Variants in DIAPH1 observed in about 807,000 individuals in gnomAD.
DIAPH1 encodes protein diaphanous homolog 1.
Under a neutral mutation model 140.7 loss-of-function variants are expected in DIAPH1, and 46 were observed. That is an observed-to-expected ratio of 0.33 (90% CI 0.26 to 0.42). DIAPH1 has a LOEUF of 0.42. Among genes scored for constraint, DIAPH1 ranks in the 10% least tolerant of loss-of-function variants. The probability of loss-of-function intolerance (pLI) is 1.00; values close to 1 mark genes in which losing one functional copy is unlikely to be tolerated. For synonymous variants in DIAPH1, 565 were observed against 551.6 expected (o/e 1.02, Z -0.34); for missense variants, 1,310 against 1,558.7 (o/e 0.84, Z 2.69).
At chr5:141,609,007 G>A (rs1191515814) in intron 1 of DIAPH1, among the ~76,000 whole-genome samples, 2 of 151,996 alleles carry the variant, frequency 1.3e-5, no homozygotes, top group Non-Finnish European at 2.9e-5. Flanking sequence ...TTACAAAGGA[G>A]ACACAGTTAC....
intron 3 of DIAPH1, among the ~76,000 whole-genome samples, chr5:141,586,783 T>C (rs1468910155): frequency 6.6e-6 from 1 of 152,222 alleles, no homozygotes; most frequent in Non-Finnish European, 1.5e-5. Context: ...ACTACGTCTT[T>C]GTGGCTAAAG....
Position 141,529,621 on chromosome 5 carries a change from C to T in DIAPH1, c.2658G>A (p.Leu886=), listed in dbSNP as rs987930783. The change falls in exon 20 of 28, where the codon CTG becomes CTA. Residue 886 remains leucine (L), a synonymous_variant. Coordinates refer to ENST00000389054, the MANE Select transcript of DIAPH1 (RefSeq NM_005219.5). The part of the protein sequence containing the change: ...NVILEVNEAV[L]TESMIQNLIK... ...TCCTTACCTGGATCATAGACTCAGT[C>T]AGAACAGCCTCATTCACCTCCAGGA... 2 of 1,614,142 alleles carry T rather than the reference C, an allele frequency of 1.2e-6. No individual in the cohort carries two copies. The highest frequency in any genetic ancestry group is 1.3e-5 in the African/African-American group (1 of 75,062).
intron 1 of DIAPH1, among the ~76,000 whole-genome samples, chr5:141,595,469 A>G (rs1032664423): frequency 1.8e-4 from 28 of 152,150 alleles, no homozygotes; most frequent in African/African-American, 6.5e-4. Context: ...CATAATCCCC[A>G]TATGTCAAGG....
intron 19 of DIAPH1, among the ~76,000 whole-genome samples, chr5:141,533,900 G>A (rs2099888618): frequency 6.6e-6 from 1 of 152,010 alleles, no homozygotes; most frequent in Non-Finnish European, 1.5e-5. Flanking sequence ...GCATGGTGGT[G>A]CACACCTGTA....
At chr5:141,545,938 G>C (rs763204318) in intron 18 of DIAPH1, among the ~76,000 whole-genome samples, 2 of 152,018 alleles carry the variant, frequency 1.3e-5, no homozygotes, top group Non-Finnish European at 2.9e-5. Flanking sequence ...CCATTTTAAA[G>C]GAATATAGTA....
At chr5:141,556,610 A>C (rs2099892623) in intron 18 of DIAPH1, among the ~76,000 whole-genome samples, 1 of 152,232 alleles carries the variant, frequency 6.6e-6, no homozygotes, top group Non-Finnish European at 1.5e-5. Flanking sequence ...GAAATCCTAA[A>C]GAAGAGGCTC....
intron 1 of DIAPH1, among the ~76,000 whole-genome samples, chr5:141,597,256 A>C (rs2099899467): frequency 6.6e-6 from 1 of 152,228 alleles, no homozygotes; most frequent in Non-Finnish European, 1.5e-5. Flanking sequence ...AAAATCCTAC[A>C]AAATTCCACA....
chr5:141,578,934 AAAG>A (rs1334268271), intron 9 of DIAPH1, among the ~76,000 whole-genome samples, 151 bp downstream of exon 9: 1 of 152,208 alleles, frequency 6.6e-6, no homozygotes, highest in Non-Finnish European at 1.5e-5. Context: ...ACCTTCTTAG[AAAG>A]AAGGTTAATC....
At chr5:141,618,563 C>T (rs896816606) in intron 1 of DIAPH1, 1 of 438,684 alleles carries the variant, frequency 2.3e-6, no homozygotes, top group African/African-American at 2.1e-5. Context: ...AATGTAAGGG[C>T]TGGGGAACGA....
Position 141,551,584 on chromosome 5 carries a change from G to A in DIAPH1, c.2483-17151C>T, listed in dbSNP as rs933876236. On this transcript the variant is annotated intron_variant, in intron 18 of 27. Transcript: ENST00000389054. ...AAAATATTAACAGTTGATTTGGAAT[G>A]TGGTCAAGCAAATGCAGGAAATTTT... Among the ~76,000 whole-genome samples, 3 of 152,142 alleles carry A rather than the reference G, an allele frequency of 2.0e-5. No individual in the cohort carries two copies. In the East Asian group the frequency reaches 5.8e-4, roughly 29 times the overall value.
Position 141,574,115 on chromosome 5 carries a change from G to A in DIAPH1, c.1735C>T (p.Arg579Cys), listed in dbSNP as rs765008414. Residue 579 changes from arginine to cysteine, a missense_variant, in exon 16 of 28, where the codon CGT becomes TGT. Transcript: ENST00000389054. ...GGAGGGGCAGGGGGAACAGGAGCAC[G>A]ACTAGGAACAGAAGGAGGTACAGTA... The part of the protein sequence containing the change: ...AITVPPSVPS[R>C]APVPPAPPLP... 23 of 1,613,856 alleles carry A rather than the reference G, an allele frequency of 1.4e-5. No individual in the cohort carries two copies. The highest frequency in any genetic ancestry group is 1.6e-4 in the Middle Eastern group (1 of 6,070).
Position 141,578,114 on chromosome 5 carries a change from G to C in DIAPH1, c.1163+111C>G, listed in dbSNP as rs531325775. On this transcript the variant is annotated intron_variant, in intron 11 of 27. Coordinates refer to ENST00000389054, the MANE Select transcript of DIAPH1 (RefSeq NM_005219.5). ...CCTTATTTAATGAGAAGACACATAAGCCTGATGCTCTGTTCTGAGTCATCA... is the reference window on the plus strand; with the variant it reads ...CCTTATTTAATGAGAAGACACATAACCCTGATGCTCTGTTCTGAGTCATCA... 3 of 844,012 alleles carry C rather than the reference G, an allele frequency of 3.6e-6. No homozygotes were observed. The South Asian group carries it at 4.0e-5, about 11-fold the overall frequency. 52.3% of individuals were successfully genotyped at this position (844,012 alleles called of 1,614,324 possible).
At chr5:141,591,199 T>C (rs1405712407) in intron 1 of DIAPH1, among the ~76,000 whole-genome samples, 1 of 152,104 alleles carries the variant, frequency 6.6e-6, no homozygotes, top group Non-Finnish European at 1.5e-5. Context: ...CAGCCTAGAT[T>C]GTGCTTTCAC....
Position 141,516,675 on chromosome 5 carries a change from C to T in DIAPH1, c.*176G>A. 1.4e-6 allele frequency: 1 copy of T among 737,236 alleles called. No individual in the cohort carries two copies. Among genetic ancestry groups the T allele is most frequent in the African/African-American group, 1.7e-5 (1 of 57,890 alleles). 45.7% of individuals were successfully genotyped at this position (737,236 alleles called of 1,614,324 possible). On this transcript the variant is annotated 3_prime_UTR_variant, in exon 28 of 28. Coordinates refer to ENST00000389054, the MANE Select transcript of DIAPH1 (RefSeq NM_005219.5). Reference sequence around the variant, plus strand: ...TGCACTGCCCTTTCCTTCTGGCCTCCAGGCAGCTGAAGCTGTATGTGATGT... The same window carrying T: ...TGCACTGCCCTTTCCTTCTGGCCTCTAGGCAGCTGAAGCTGTATGTGATGT...
intron 14 of DIAPH1, 112 bp from the exon 15 acceptor site, chr5:141,575,258 C>A: frequency 9.9e-7 from 1 of 1,013,838 alleles, no homozygotes; most frequent in Non-Finnish European, 1.5e-6. Context: ...GTGCTGGAAT[C>A]CCCCCACTGC....
chr5:141,522,151 A>G (rs983270413), intron 27 of DIAPH1, among the ~76,000 whole-genome samples: 1 of 152,184 alleles, frequency 6.6e-6, no homozygotes, highest in East Asian at 1.9e-4. Flanking sequence ...ATAACTACAA[A>G]TGTCTCCCTT....
At chr5:141,564,361 A>G (rs1196019956) in intron 18 of DIAPH1, 1 of 152,248 alleles carries the variant, frequency 6.6e-6, no homozygotes, top group African/African-American at 2.4e-5. Flanking sequence ...ACCAAACGCA[A>G]CAATGACACA....
intron 1 of DIAPH1, among the ~76,000 whole-genome samples, chr5:141,615,824 C>A (rs1596417513): frequency 6.6e-6 from 1 of 152,126 alleles, no homozygotes; most frequent in Admixed American, 6.5e-5. Context: ...ATCACTTTCT[C>A]GATTATATGA....
intron 18 of DIAPH1, among the ~76,000 whole-genome samples, chr5:141,536,760 T>G (rs1291394094): frequency 2.0e-5 from 3 of 152,154 alleles, no homozygotes; most frequent in Non-Finnish European, 4.4e-5. Context: ...AGGCCTGAGA[T>G]AGAGCATGTT....
Sources: gnomAD v4.1 joint callset for allele counts (sites outside exome capture counted in the v4.1 genomes callset) on GRCh38, gnomAD v4.1.1 for gene constraint, MANE v1.5 for transcripts, NCBI Gene and HGNC (gene_info 2026-07-23, HGNC 2026-07-21) for gene names.